Variants in SLC16A7 observed in about 807,000 individuals in gnomAD.
SLC16A7 encodes the protein monocarboxylate transporter 2.
SLC16A7 carries 33 observed loss-of-function variants against 34.9 expected under a neutral mutation model. That is an observed-to-expected ratio of 0.94 (90% CI 0.72 to 1.26). The LOEUF (loss-of-function observed/expected upper bound fraction) is 1.26. Ranked by LOEUF, SLC16A7 falls within the 50% of genes most tolerant of loss-of-function variation. The pLI is 0.00. For synonymous variants in SLC16A7, 201 were observed against 206.6 expected, an observed-to-expected ratio of 0.97 and a Z score of 0.23; for missense variants, 573 against 578.1, an observed-to-expected ratio of 0.99 and a Z score of 0.09.
chr12:59,750,668 T>C (rs1879418496), intron 3 of SLC16A7, among the ~76,000 whole-genome samples: 2 of 152,206 alleles, frequency 1.3e-5, no homozygotes. Flanking sequence ...CTCAAGGATC[T>C]AGAACTAGAA....
chr12:59,789,060 T>G lies in SLC16A7; in HGVS notation c.*9381T>G, dbSNP rs1420389884. On this transcript the variant is annotated 3_prime_UTR_variant, in exon 6 of 6. Coordinates refer to ENST00000547379, the MANE Select transcript of SLC16A7 (RefSeq NM_001270623.2). The stretch of plus-strand genomic sequence containing the variant: ...AATTTCTCTGTGAGGGTACTTATTT[T>G]GCCTACAGTTTCAAATATATTTTCA... 2 of 152,138 alleles carry G rather than the reference T, an allele frequency of 1.3e-5. No homozygotes were observed. Among genetic ancestry groups the G allele is most frequent in the Non-Finnish European group, 2.9e-5 (2 of 67,962 alleles). The allele number at this position is 152,138 out of a possible 1,614,324, so 9.4% of individuals were successfully genotyped here. A position where few individuals can be genotyped will look rare whatever the true frequency, so the allele number is the denominator to read the frequency against.
At chr12:59,734,072 A>G (rs1218657218) in intron 3 of SLC16A7, 2 of 253,812 alleles carry the variant, frequency 7.9e-6, no homozygotes, top group African/African-American at 4.5e-5. Context: ...TGACAGTCTG[A>G]CCCCCAGGCC....
intron 2 of SLC16A7, among the ~76,000 whole-genome samples, chr12:59,695,538 C>T: frequency 6.6e-6 from 1 of 151,998 alleles, no homozygotes; most frequent in East Asian, 1.9e-4. Context: ...TTTTAAGCCT[C>T]TTTACTCATA....
At chr12:59,610,581 T>C (rs1211049720) in intron 1 of SLC16A7, among the ~76,000 whole-genome samples, 5 of 152,326 alleles carry the variant, frequency 3.3e-5, no homozygotes, top group Non-Finnish European at 7.3e-5. Flanking sequence ...AATAATTTGT[T>C]CATTAGAATA....
chr12:59,730,506 G>A (rs1425467661), intron 3 of SLC16A7, among the ~76,000 whole-genome samples: 1 of 151,898 alleles, frequency 6.6e-6, no homozygotes, highest in Non-Finnish European at 1.5e-5. Flanking sequence ...TTGCAGCTGA[G>A]TACAAATATT....
At chr12:59,689,772 T>C (rs1232258895) in intron 2 of SLC16A7, among the ~76,000 whole-genome samples, 6 of 152,050 alleles carry the variant, frequency 3.9e-5, no homozygotes, top group African/African-American at 1.4e-4. Context: ...AGAGAATCTT[T>C]GGAAACTAAT....
intron 3 of SLC16A7, among the ~76,000 whole-genome samples, chr12:59,759,298 T>C (rs1880755216): frequency 6.6e-6 from 1 of 151,984 alleles, no homozygotes; most frequent in South Asian, 2.1e-4. Flanking sequence ...AAGTCTGTTC[T>C]TTATATACCA....
At chr12:59,704,738 A>C in intron 2 of SLC16A7, 34 bp from the exon 3 acceptor site, 1 of 1,151,608 alleles carries the variant, frequency 8.7e-7, no homozygotes, top group Admixed American at 2.2e-5. Flanking sequence ...AGGGGAAATA[A>C]AATTTAAACT....
chr12:59,619,388 G>T (rs918702990), intron 1 of SLC16A7, among the ~76,000 whole-genome samples: 1 of 151,978 alleles, frequency 6.6e-6, no homozygotes, highest in Non-Finnish European at 1.5e-5. Context: ...CAATTAAAAG[G>T]TTTGCAGGCA....
chr12:59,632,773 G>T (rs1880240417), intron 1 of SLC16A7, among the ~76,000 whole-genome samples: 1 of 151,996 alleles, frequency 6.6e-6, no homozygotes, highest in African/African-American at 2.4e-5. Context: ...TTTGTAAAAT[G>T]CCAAAAGGAG....
intron 3 of SLC16A7, chr12:59,719,919 A>C (rs866561391): frequency 5.7e-6 from 3 of 528,120 alleles, no homozygotes; most frequent in Middle Eastern, 5.7e-4. Flanking sequence ...GGCATTTATC[A>C]GTGGTGGAAC....
At chr12:59,701,474 G>T (rs964823108) in intron 2 of SLC16A7, among the ~76,000 whole-genome samples, 1 of 151,776 alleles carries the variant, frequency 6.6e-6, no homozygotes, top group Non-Finnish European at 1.5e-5. Context: ...ATGTGTGTGT[G>T]TGTGTACATT....
At chr12:59,699,853 G>C (rs895110507) in intron 2 of SLC16A7, among the ~76,000 whole-genome samples, 1 of 151,702 alleles carries the variant, frequency 6.6e-6, no homozygotes, top group Non-Finnish European at 1.5e-5. Context: ...AGTCAAACAA[G>C]GCAAGACCCT....
chr12:59,748,534 C>T (rs772115281), intron 3 of SLC16A7, among the ~76,000 whole-genome samples: 20 of 152,068 alleles, frequency 1.3e-4, no homozygotes, highest in Non-Finnish European at 2.6e-4. Flanking sequence ...TATCATGTTT[C>T]GTGCAATACC....
intron 2 of SLC16A7, among the ~76,000 whole-genome samples, chr12:59,697,368 G>C (rs1452470491): frequency 1.3e-5 from 2 of 152,016 alleles, no homozygotes; most frequent in East Asian, 3.9e-4. Flanking sequence ...AGGATATGTA[G>C]TTGTGTGTAT....
At chr12:59,674,285 C>G (rs1045123843) in intron 2 of SLC16A7, among the ~76,000 whole-genome samples, 1 of 152,136 alleles carries the variant, frequency 6.6e-6, no homozygotes, top group Non-Finnish European at 1.5e-5. Context: ...GGATTATATA[C>G]TCCATGAAGG....
intron 2 of SLC16A7, among the ~76,000 whole-genome samples, chr12:59,664,479 ATTGTT>A (rs1869033534): frequency 6.6e-6 from 1 of 152,116 alleles, no homozygotes; most frequent in Non-Finnish European, 1.5e-5. Flanking sequence ...CCTCTTTGTT[ATTGTT>A]CATAACTTAC....
intron 1 of SLC16A7, among the ~76,000 whole-genome samples, chr12:59,636,990 C>A (rs967221530): frequency 6.6e-6 from 1 of 152,050 alleles, no homozygotes; most frequent in Admixed American, 6.6e-5. Context: ...CAGCTCATTT[C>A]TTTGAACAGA....
chr12:59,616,692 G>A (rs964866505), intron 1 of SLC16A7, among the ~76,000 whole-genome samples: 31 of 152,060 alleles, frequency 2.0e-4, no homozygotes, highest in African/African-American at 6.8e-4. Flanking sequence ...TGACACAAGA[G>A]AACTGGGTAA....
Sources: gnomAD v4.1 joint callset for allele counts (sites outside exome capture counted in the v4.1 genomes callset) on GRCh38, gnomAD v4.1.1 for gene constraint, MANE v1.5 for transcripts, NCBI Gene and HGNC (gene_info 2026-07-23, HGNC 2026-07-21) for gene names.